The following PXK variants were observed in gnomAD, a reference collection of about 807,000 sequenced individuals.
PXK encodes PX domain-containing protein kinase-like protein.
In PXK, 35 loss-of-function variants were observed where a neutral mutation model predicts 84.7. The observed-to-expected ratio is 0.41, with a 90% CI of 0.32 to 0.55. The LOEUF (loss-of-function observed/expected upper bound fraction) is 0.55, where lower values mean the gene tolerates loss of function less well. Ranked by LOEUF, PXK falls within the 20% of genes least tolerant of loss-of-function variation. The pLI is 0.21. For missense variants in PXK, 634 were observed against 699.7 expected, an observed-to-expected ratio of 0.91 and a Z score of 1.06; for synonymous variants, 253 against 260.8, an observed-to-expected ratio of 0.97 and a Z score of 0.29.
At chr3:58,387,989 G>A (rs7620012) in intron 4 of PXK, among the ~76,000 whole-genome samples, 44,632 of 152,086 alleles carry the variant, frequency 0.29, 7,329 homozygotes, top group Middle Eastern at 0.39. Context: ...AAAGCCAGAG[G>A]TTGGTTGAAC....
At chr3:58,392,551 C>T (rs1313848090) in intron 7 of PXK, among the ~76,000 whole-genome samples, 1 of 152,144 alleles carries the variant, frequency 6.6e-6, no homozygotes, top group Non-Finnish European at 1.5e-5. Flanking sequence ...AGTGTCTTGT[C>T]AAGCTTGCAA....
intron 1 of PXK, among the ~76,000 whole-genome samples, chr3:58,342,550 G>A (rs544116241): frequency 2.0e-5 from 3 of 146,620 alleles, no homozygotes; most frequent in South Asian, 2.2e-4. Context: ...CACGAGAATC[G>A]CTTGAACCTG....
chr3:58,348,381 A>T (rs2097858581), intron 1 of PXK, among the ~76,000 whole-genome samples: 1 of 152,148 alleles, frequency 6.6e-6, no homozygotes, highest in Non-Finnish European at 1.5e-5. Flanking sequence ...GATTTGTGTG[A>T]CCGTTTTCTC....
chr3:58,394,627 C>CTGTA (rs2057349160), intron 7 of PXK, among the ~76,000 whole-genome samples: 1 of 152,138 alleles, frequency 6.6e-6, no homozygotes, highest in Admixed American at 6.5e-5. Flanking sequence ...TCTTTACTGA[C>CTGTA]TTACAGAGAC....
chr3:58,362,107 G>T (rs2108356202), intron 1 of PXK, among the ~76,000 whole-genome samples: 1 of 152,232 alleles, frequency 6.6e-6, no homozygotes, highest in African/African-American at 2.4e-5. Flanking sequence ...TTTCATGTAT[G>T]CCATCTGTAT....
chr3:58,354,381 G>T (rs1272202805), intron 1 of PXK, among the ~76,000 whole-genome samples: 3 of 151,946 alleles, frequency 2.0e-5, no homozygotes, highest in Admixed American at 6.6e-5. Flanking sequence ...TTGGTTGGTG[G>T]TTGCGTCATC....
intron 17 of PXK, chr3:58,420,583 G>A (rs775696801): frequency 1.8e-5 from 27 of 1,535,848 alleles, no homozygotes; most frequent in Non-Finnish European, 2.3e-5. Context: ...AGTAAACTAT[G>A]CTGATTTCTC....
intron 17 of PXK, chr3:58,413,290 CGCCG>C: frequency 3.0e-6 from 1 of 335,886 alleles, no homozygotes; most frequent in Admixed American, 4.6e-5. Flanking sequence ...AACACAAATG[CGCCG>C]TGGCCCAGGG....
chr3:58,378,494 T>TC (rs796377733), intron 3 of PXK, among the ~76,000 whole-genome samples: 1,076 of 32,462 alleles, frequency 0.033, 106 homozygotes, highest in South Asian at 0.048. Context: ...TTTTTCTTCT[T>TC]TTTTTTTTTT....
intron 17 of PXK, chr3:58,423,314 C>T: frequency 6.9e-7 from 1 of 1,441,734 alleles, no homozygotes; most frequent in South Asian, 1.4e-5. Flanking sequence ...TAAAACATAA[C>T]AATTTCATTC....
chr3:58,418,478 C>T (rs1218568613), intron 17 of PXK, among the ~76,000 whole-genome samples: 1 of 152,188 alleles, frequency 6.6e-6, no homozygotes, highest in Admixed American at 6.5e-5. Flanking sequence ...GGGTGCGCTG[C>T]AGGGCCCGTG....
chr3:58,382,425 G>T (rs2098511769), intron 3 of PXK, 89 bp from the exon 4 acceptor site: 1 of 1,167,662 alleles, frequency 8.6e-7, no homozygotes, highest in Non-Finnish European at 1.1e-6. Context: ...CATTGTCTTA[G>T]GTTTAATGAA....
At position 58,390,489 on chromosome 3, in the gene PXK, G is replaced by T; in HGVS notation, c.389-93G>T. The T allele has an allele frequency of 1.3e-6, 1 of 794,928 alleles. No individual in the cohort carries two copies. Among genetic ancestry groups the T allele is most frequent in the Non-Finnish European group, 1.9e-6 (1 of 526,462 alleles). 49.2% of individuals were successfully genotyped at this position (794,928 alleles called of 1,614,324 possible). A position where few individuals can be genotyped will look rare whatever the true frequency, so the allele number is the denominator to read the frequency against. On this transcript the variant is annotated intron_variant, in intron 4 of 17. Transcript: ENST00000356151. The surrounding 1 kb of genome is among the most constrained non-coding windows in gnomAD (Gnocchi z 4.2). ...AATTAAGTTTTTTAAAAAGGTCATA[G>T]ACTATAGGGATTTCATTTACAAGAA...
At chr3:58,334,929 GTGTGTGT>G (rs1559822633) in intron 1 of PXK, among the ~76,000 whole-genome samples, 4 of 121,292 alleles carry the variant, frequency 3.3e-5, no homozygotes, top group African/African-American at 1.4e-4. Flanking sequence ...TATTGTAAGG[GTGTGTGT>G]GTGTGTGTGT....
At chr3:58,418,884 G>C (rs1041657067) in intron 17 of PXK, among the ~76,000 whole-genome samples, 1 of 152,176 alleles carries the variant, frequency 6.6e-6, no homozygotes, top group African/African-American at 2.4e-5. Context: ...CTGAAGGTCT[G>C]CTTAAAATTC....
At chr3:58,342,647 A>AAAAAAAAAAAG (rs1553743386) in intron 1 of PXK, among the ~76,000 whole-genome samples, 1 of 138,748 alleles carries the variant, frequency 7.2e-6, no homozygotes, top group African/African-American at 2.9e-5. Context: ...AAAAAAAAAA[A>AAAAAAAAAAAG]AAAAGAAAAG....
At chr3:58,351,154 C>A (rs2097914223) in intron 1 of PXK, among the ~76,000 whole-genome samples, 1 of 152,154 alleles carries the variant, frequency 6.6e-6, no homozygotes, top group Non-Finnish European at 1.5e-5. Context: ...ACATACCAGG[C>A]TCTTACCCAA....
intron 3 of PXK, 26 bp from the exon 4 acceptor site, chr3:58,382,488 G>A (rs1245650005): frequency 2.6e-6 from 3 of 1,165,354 alleles, no homozygotes; most frequent in Admixed American, 3.1e-5. Flanking sequence ...TGACATGAGT[G>A]TAACTTTTTT....
chr3:58,392,748 A>G (rs1188160189), intron 7 of PXK, among the ~76,000 whole-genome samples: 1 of 149,018 alleles, frequency 6.7e-6, no homozygotes, highest in Non-Finnish European at 1.5e-5. Context: ...TGCAACCTCC[A>G]CCTCCTGGGT....
Sources: allele counts gnomAD v4.1 joint callset (sites outside exome capture counted in the v4.1 genomes callset), GRCh38; gene constraint gnomAD v4.1.1; non-coding constraint Gnocchi (gnomAD v3.1); transcripts MANE v1.5; gene names NCBI Gene and HGNC (gene_info 2026-07-23, HGNC 2026-07-21).